The following KCNN2 variants were observed in gnomAD, a reference collection of about 807,000 sequenced individuals.
KCNN2 encodes potassium calcium-activated channel subfamily N member 2.
Under a neutral mutation model 55.5 loss-of-function variants are expected in KCNN2, and 24 were observed. That is an observed-to-expected ratio of 0.43 (90% CI 0.31 to 0.61). The LOEUF is 0.61. Ranked by LOEUF, KCNN2 falls within the 20% of genes least tolerant of loss-of-function variation. KCNN2 has a pLI of 0.08. For synonymous variants in KCNN2, 431 were observed against 336.1 expected (o/e 1.28, Z -3.09); for missense variants, 754 against 853.6 (o/e 0.88, Z 1.45).
At chr5:114,483,886 G>A (rs967470333) in intron 5 of KCNN2, among the ~76,000 whole-genome samples, 5 of 152,026 alleles carry the variant, frequency 3.3e-5, no homozygotes, top group Non-Finnish European at 5.9e-5. Context: ...GATGGACATC[G>A]GTAAATCCTC....
At chr5:114,420,242 A>G (rs879578715) in intron 3 of KCNN2, among the ~76,000 whole-genome samples, 2 of 152,248 alleles carry the variant, frequency 1.3e-5, no homozygotes, top group African/African-American at 4.8e-5. Flanking sequence ...CTTTCCTTTG[A>G]CTAGGGAAAT....
chr5:114,438,596 A>G (rs936119292), intron 3 of KCNN2, among the ~76,000 whole-genome samples: 1 of 152,144 alleles, frequency 6.6e-6, no homozygotes, highest in East Asian at 1.9e-4. Flanking sequence ...TGCCAACAAC[A>G]GCAACAACAA....
At chr5:114,082,014 A>G (rs1750835791) in intron 1 of KCNN2, among the ~76,000 whole-genome samples, 1 of 152,218 alleles carries the variant, frequency 6.6e-6, no homozygotes, top group Admixed American at 6.5e-5. Flanking sequence ...AAGATATAAA[A>G]ATGTCCAATA....
At chr5:114,318,355 T>G (rs1452897339) in intron 2 of KCNN2, among the ~76,000 whole-genome samples, 1 of 152,188 alleles carries the variant, frequency 6.6e-6, no homozygotes, top group Non-Finnish European at 1.5e-5. Context: ...GTTGTTTGTT[T>G]GATGTTCTCA....
At chr5:114,458,640 C>G (rs1761044421) in intron 3 of KCNN2, among the ~76,000 whole-genome samples, 1 of 152,122 alleles carries the variant, frequency 6.6e-6, no homozygotes, top group Non-Finnish European at 1.5e-5. Flanking sequence ...AATTTCGATT[C>G]TAAGGGTATG....
chr5:114,304,277 A>G (rs1756224566), intron 2 of KCNN2, among the ~76,000 whole-genome samples: 1 of 152,218 alleles, frequency 6.6e-6, no homozygotes, highest in East Asian at 1.9e-4. Context: ...ACGAGGCCAT[A>G]GTTGTAAATT....
At chr5:114,396,333 G>A (rs554094743) in intron 2 of KCNN2, among the ~76,000 whole-genome samples, 2 of 152,196 alleles carry the variant, frequency 1.3e-5, no homozygotes, top group South Asian at 2.1e-4. Flanking sequence ...GGGAGAAACC[G>A]GAAACATTAC....
chr5:114,264,221 C>CT (rs1245286463), intron 2 of KCNN2, among the ~76,000 whole-genome samples: 1 of 152,062 alleles, frequency 6.6e-6, no homozygotes, highest in Non-Finnish European at 1.5e-5. Flanking sequence ...TATGCATGTT[C>CT]TTCATACATG....
chr5:114,422,918 A>C (rs1472728939), intron 3 of KCNN2, among the ~76,000 whole-genome samples: 2 of 152,252 alleles, frequency 1.3e-5, no homozygotes, highest in Non-Finnish European at 2.9e-5. Context: ...CCTTGGGGCT[A>C]TTCTTTGGCC....
chr5:114,218,773 A>C (rs1248865976), intron 1 of KCNN2, among the ~76,000 whole-genome samples: 3 of 152,214 alleles, frequency 2.0e-5, no homozygotes, highest in African/African-American at 7.2e-5. Flanking sequence ...AATTGTAACT[A>C]ATATACCACT....
chr5:114,056,365 C>T (rs1321775118), exon 1 of KCNN2: 4 of 398,542 alleles, frequency 1.0e-5, no homozygotes, highest in African/African-American at 6.2e-5. Context: ...AACAGTTTCT[C>T]CCGGTGAACC....
At chr5:114,256,799 A>C (rs1286476313) in intron 2 of KCNN2, among the ~76,000 whole-genome samples, 5 of 151,566 alleles carry the variant, frequency 3.3e-5, no homozygotes, top group Non-Finnish European at 4.4e-5. Flanking sequence ...GCATATTTTC[A>C]CCCATTCTGT....
chr5:114,077,031 G>T (rs973545535), intron 1 of KCNN2, among the ~76,000 whole-genome samples: 3 of 151,910 alleles, frequency 2.0e-5, no homozygotes, highest in Non-Finnish European at 4.4e-5. Flanking sequence ...AAAGCCTAAG[G>T]TATGTTGAAT....
chr5:114,358,570 A>G (rs1174225466), upstream of KCNN2, among the ~76,000 whole-genome samples: 2 of 152,202 alleles, frequency 1.3e-5, no homozygotes, highest in Non-Finnish European at 2.9e-5. Flanking sequence ...TCTCTCACTT[A>G]TATGCTTTAA....
At chr5:114,106,639 AGTT>A (rs769353526) in intron 1 of KCNN2, among the ~76,000 whole-genome samples, 1 of 105,046 alleles carries the variant, frequency 9.5e-6, no homozygotes, top group Admixed American at 8.9e-5. Flanking sequence ...AGGATTTTCC[AGTT>A]GTTTTTTTTT....
At chr5:114,262,655 G>T (rs977788069) in intron 2 of KCNN2, among the ~76,000 whole-genome samples, 1 of 152,212 alleles carries the variant, frequency 6.6e-6, no homozygotes, top group Admixed American at 6.5e-5. Flanking sequence ...CATGGCATGA[G>T]AAGTGCTTAG....
intron 2 of KCNN2, among the ~76,000 whole-genome samples, chr5:114,222,599 G>A (rs754773913): frequency 7.2e-5 from 11 of 152,058 alleles, no homozygotes; most frequent in Non-Finnish European, 1.3e-4. Flanking sequence ...CTATATTATC[G>A]GATGGGAATG....
intron 4 of KCNN2, among the ~76,000 whole-genome samples, chr5:114,472,623 C>A (rs1047344677): frequency 6.6e-6 from 1 of 152,102 alleles, no homozygotes; most frequent in African/African-American, 2.4e-5. Flanking sequence ...CCTTGAAGGC[C>A]TGCTGATCTC....
At chr5:114,068,842 CT>C (rs1750506114) in intron 1 of KCNN2, among the ~76,000 whole-genome samples, 1 of 151,740 alleles carries the variant, frequency 6.6e-6, no homozygotes, top group Admixed American at 6.6e-5. Context: ...TTGATGGAGT[CT>C]TTTTCTGTTG....
Sources: gnomAD v4.1 joint callset for allele counts (sites outside exome capture counted in the v4.1 genomes callset) on GRCh38, gnomAD v4.1.1 for gene constraint, MANE v1.5 for transcripts, NCBI Gene and HGNC (gene_info 2026-07-23, HGNC 2026-07-21) for gene names.